ATP8B1: variants seen among roughly 807,000 people sequenced by gnomAD.
ATP8B1 encodes the protein phospholipid-transporting ATPase IC.
ATP8B1 carries 80 observed loss-of-function variants against 149.9 expected under a neutral mutation model. The ratio of observed to expected loss-of-function variants is 0.53; its 90% confidence interval spans 0.45 to 0.64. The LOEUF (loss-of-function observed/expected upper bound fraction) is 0.64, where lower values mean the gene tolerates loss of function less well. ATP8B1 is among the 30% of genes least tolerant of loss of function. The pLI is 0.00. For missense variants in ATP8B1, 1,247 were observed against 1,552.6 expected, an observed-to-expected ratio of 0.80 and a Z score of 3.31; for synonymous variants, 536 against 562.8, an observed-to-expected ratio of 0.95 and a Z score of 0.67.
chr18:57,796,414 G>A (rs568622176), intron 1 of ATP8B1, among the ~76,000 whole-genome samples: 12 of 152,154 alleles, frequency 7.9e-5, no homozygotes, highest in Non-Finnish European at 1.3e-4. Context: ...GGGAGACTAA[G>A]GCGAGAATCA....
chr18:57,650,350 G>A lies in ATP8B1; in HGVS notation c.3531+17C>T, dbSNP rs752249366. ...TCTGTGAGGGACAGAGTTGGGAAAGGACTATATTCTTTATACCTTATCACT... is the reference window on the plus strand; with the variant it reads ...TCTGTGAGGGACAGAGTTGGGAAAGAACTATATTCTTTATACCTTATCACT... On this transcript the variant is annotated intron_variant, in intron 27 of 27. Coordinates refer to ENST00000648908, the MANE Select transcript of ATP8B1 (RefSeq NM_001374385.1). 1.3e-5 allele frequency: 21 copies of A among 1,611,060 alleles called. No individual in the cohort carries two copies. The highest frequency in any genetic ancestry group is 1.8e-5 in the Non-Finnish European group (21 of 1,178,080).
chr18:57,679,526 G>C (rs1386565715), intron 15 of ATP8B1, among the ~76,000 whole-genome samples: 1 of 152,148 alleles, frequency 6.6e-6, no homozygotes, highest in Admixed American at 6.5e-5. Flanking sequence ...TCATGAAATT[G>C]ATGTAATCAA....
At chr18:57,677,666 C>T (rs1157133400) in intron 15 of ATP8B1, among the ~76,000 whole-genome samples, 2 of 152,176 alleles carry the variant, frequency 1.3e-5, no homozygotes, top group African/African-American at 2.4e-5. Flanking sequence ...TTTGTTCACT[C>T]AGAAAGTCAT....
intron 1 of ATP8B1, among the ~76,000 whole-genome samples, chr18:57,754,151 G>T (rs2080053939): frequency 6.6e-6 from 1 of 151,624 alleles, no homozygotes; most frequent in African/African-American, 2.4e-5. Context: ...TTAAGAATCA[G>T]TTTCAGCCTG....
At chr18:57,777,850 G>A (rs993359240) in intron 1 of ATP8B1, among the ~76,000 whole-genome samples, 1 of 152,198 alleles carries the variant, frequency 6.6e-6, no homozygotes, top group Non-Finnish European at 1.5e-5. Context: ...GATTACAGGC[G>A]TGAGCCACCT....
At chr18:57,708,378 A>G (rs1248342935) in intron 2 of ATP8B1, 1 of 152,190 alleles carries the variant, frequency 6.6e-6, no homozygotes, top group Non-Finnish European at 1.5e-5. Context: ...AGGGAAAATA[A>G]AAATGGAAAT....
chr18:57,768,402 AAAAAAAAAG>A (rs2080234933), intron 1 of ATP8B1, among the ~76,000 whole-genome samples: 1 of 149,682 alleles, frequency 6.7e-6, no homozygotes, highest in Non-Finnish European at 1.5e-5. Flanking sequence ...AAAAAAAAAA[AAAAAAAAAG>A]AAAAGAAAAG....
intron 1 of ATP8B1, among the ~76,000 whole-genome samples, chr18:57,738,536 A>G (rs1279363975): frequency 2.0e-4 from 30 of 152,080 alleles, no homozygotes. Context: ...GAGGCAGGAG[A>G]ATTGCTTGAA....
chr18:57,688,581 TG>T (rs2122851560), intron 12 of ATP8B1, 74 bp from the exon 13 acceptor site: 1 of 1,459,544 alleles, frequency 6.9e-7, no homozygotes, highest in East Asian at 2.3e-5. Flanking sequence ...TTATTCTCAT[TG>T]TACAGACGAG....
chr18:57,770,417 G>T (rs897480007), intron 1 of ATP8B1, among the ~76,000 whole-genome samples: 6 of 152,248 alleles, frequency 3.9e-5, no homozygotes, highest in Non-Finnish European at 8.8e-5. Flanking sequence ...GCCTTGACAG[G>T]CCTGTGTTCT....
At chr18:57,661,546 G>A in intron 21 of ATP8B1, 84 bp from the exon 22 acceptor site, 1 of 1,433,796 alleles carries the variant, frequency 7.0e-7, no homozygotes, top group Non-Finnish European at 9.6e-7. Context: ...TTATGTGAAG[G>A]ATAATTTTTG....
intron 1 of ATP8B1, among the ~76,000 whole-genome samples, chr18:57,796,929 G>A (rs533666808): frequency 6.6e-6 from 1 of 152,216 alleles, no homozygotes; most frequent in Non-Finnish European, 1.5e-5. Flanking sequence ...GGGATTACAG[G>A]TGTTAGCTAT....
intron 1 of ATP8B1, among the ~76,000 whole-genome samples, chr18:57,749,527 C>T (rs1037590733): frequency 2.0e-5 from 3 of 152,094 alleles, no homozygotes; most frequent in African/African-American, 7.2e-5. Flanking sequence ...TTATTATAAG[C>T]TCTTATATAT....
chr18:57,660,195 A>G (rs1910300179), intron 22 of ATP8B1, among the ~76,000 whole-genome samples: 1 of 152,190 alleles, frequency 6.6e-6, no homozygotes, highest in South Asian at 2.1e-4. Flanking sequence ...GCAGGCTTTA[A>G]TACCAGCACA....
At chr18:57,660,639 C>T (rs1400719314) in intron 22 of ATP8B1, among the ~76,000 whole-genome samples, 1 of 152,180 alleles carries the variant, frequency 6.6e-6, no homozygotes, top group Non-Finnish European at 1.5e-5. Context: ...CTGCCTCAGC[C>T]TCCCGAGTAG....
chr18:57,731,894 G>T, intron 1 of ATP8B1, 62 bp from the exon 2 acceptor site: 1 of 1,418,614 alleles, frequency 7.0e-7, no homozygotes, highest in African/African-American at 1.4e-5. Context: ...GTTGAATACT[G>T]CCTGCATGCT....
chr18:57,672,890 A>AAG (rs1911301795), intron 16 of ATP8B1, among the ~76,000 whole-genome samples: 6 of 15,712 alleles, frequency 3.8e-4, no homozygotes, highest in African/African-American at 1.3e-3. Context: ...AAAAAAGTAT[A>AAG]TATATATATA....
chr18:57,688,503 C>T lies in ATP8B1; in HGVS notation c.1225G>A (p.Glu409Lys). 1 of 1,614,116 alleles carries T rather than the reference C, an allele frequency of 6.2e-7. No individual in the cohort carries two copies. Among genetic ancestry groups the T allele is most frequent in the Non-Finnish European group, 8.5e-7 (1 of 1,179,984 alleles). Residue 409 changes from glutamate (E) to lysine (K), a missense_variant, in exon 13 of 28, where the codon GAA becomes AAA. By Grantham distance (56) the Glu-to-Lys change is moderately conservative (BLOSUM62 1). This residue lies in a region of ATP8B1 where 853 missense variants were observed against 1,035.7 expected (regional missense o/e 0.82). Transcript: ENST00000648908. ...TGACTCTGTCCAAGACGAATCACTT[C>T]CACGCTAGGAAGACAGAAGATTATT... is the stretch of plus-strand genomic sequence containing the variant. The part of the protein sequence containing the change: ...MVPISLYVSV[E>K]VIRLGQSHFI...
chr18:57,792,793 G>A, intron 1 of ATP8B1, among the ~76,000 whole-genome samples: 1 of 152,064 alleles, frequency 6.6e-6, no homozygotes. Context: ...AAAAATCCAT[G>A]TGTATGGAGA....
Sources: gnomAD v4.1 joint callset for allele counts (sites outside exome capture counted in the v4.1 genomes callset) on GRCh38, gnomAD v4.1.1 for gene constraint, gnomAD v4.1.1 regional missense constraint, MANE v1.5 for transcripts, NCBI Gene and HGNC (gene_info 2026-07-23, HGNC 2026-07-21) for gene names.